SAE1: variants seen among roughly 807,000 people sequenced by gnomAD.
SAE1 encodes SUMO-activating enzyme subunit 1.
Under a neutral mutation model 40.6 loss-of-function variants are expected in SAE1, and 11 were observed. The ratio of observed to expected loss-of-function variants is 0.27; its 90% confidence interval spans 0.17 to 0.45. The LOEUF is 0.45. Ranked by LOEUF, SAE1 falls within the 20% of genes least tolerant of loss-of-function variation. The probability of loss-of-function intolerance (pLI) is 1.00; values close to 1 mark genes in which losing one functional copy is unlikely to be tolerated. For missense variants in SAE1, 373 were observed against 427.3 expected, an observed-to-expected ratio of 0.87 and a Z score of 1.12; for synonymous variants, 155 against 154.3, an observed-to-expected ratio of 1.00 and a Z score of -0.03.
At chr19:47,138,733 A>C (rs773066346) in intron 1 of SAE1, among the ~76,000 whole-genome samples, 12 of 152,166 alleles carry the variant, frequency 7.9e-5, no homozygotes, top group Non-Finnish European at 1.6e-4. Flanking sequence ...CTGTGATCCC[A>C]GCTACTGGGG....
At chr19:47,181,780 CTTT>C (rs36107839) in intron 6 of SAE1, among the ~76,000 whole-genome samples, 8 of 96,520 alleles carry the variant, frequency 8.3e-5, no homozygotes, top group South Asian at 3.5e-4. Flanking sequence ...CACCTGGCCT[CTTT>C]TTTTTTTTTT....
intron 1 of SAE1, among the ~76,000 whole-genome samples, chr19:47,136,326 G>C (rs2058179738): frequency 6.6e-6 from 1 of 151,040 alleles, no homozygotes; most frequent in Non-Finnish European, 1.5e-5. Context: ...TTTTAGTAGA[G>C]ATGGGGTTGC....
chr19:47,180,374 G>A (rs1414562178), intron 6 of SAE1: 4 of 394,804 alleles, frequency 1.0e-5, no homozygotes, highest in Non-Finnish European at 1.5e-5. Context: ...CATGTCAAAA[G>A]AACAAGAAGA....
chr19:47,200,526 T>G (rs2058647062), intron 7 of SAE1, among the ~76,000 whole-genome samples: 1 of 150,990 alleles, frequency 6.6e-6, no homozygotes, highest in Admixed American at 6.7e-5. Flanking sequence ...CTGAGTTAAA[T>G]GATAATTAAT....
chr19:47,207,282 GCTGA>G (rs953474425), intron 8 of SAE1, among the ~76,000 whole-genome samples: 11 of 152,250 alleles, frequency 7.2e-5, no homozygotes, highest in Admixed American at 1.3e-4. Flanking sequence ...TGGAAAAATG[GCTGA>G]CTAACACTAT....
At chr19:47,133,682 A>G (rs553372650) in intron 1 of SAE1, among the ~76,000 whole-genome samples, 3 of 152,146 alleles carry the variant, frequency 2.0e-5, no homozygotes, top group South Asian at 2.1e-4. Flanking sequence ...TTCTGGATAT[A>G]TTTTGAAGGT....
chr19:47,145,159 T>C (rs1224928206), intron 2 of SAE1, among the ~76,000 whole-genome samples: 1 of 152,002 alleles, frequency 6.6e-6, no homozygotes, highest in Non-Finnish European at 1.5e-5. Context: ...TGCAACACCA[T>C]GCCTGGCTAA....
intron 2 of SAE1, among the ~76,000 whole-genome samples, chr19:47,149,963 T>C (rs1475324010): frequency 6.6e-6 from 1 of 150,474 alleles, no homozygotes; most frequent in Non-Finnish European, 1.5e-5. Flanking sequence ...TAGTCCCAGC[T>C]ACTTGGGAGG....
At chr19:47,154,743 G>A (rs890868943) in intron 4 of SAE1, among the ~76,000 whole-genome samples, 13 of 151,970 alleles carry the variant, frequency 8.6e-5, no homozygotes, top group Non-Finnish European at 1.5e-4. Flanking sequence ...TGACACGCCC[G>A]CCTTGGCCTC....
chr19:47,138,542 A>G (rs1209499383), intron 1 of SAE1, among the ~76,000 whole-genome samples: 1 of 152,226 alleles, frequency 6.6e-6, no homozygotes, highest in Non-Finnish European at 1.5e-5. Flanking sequence ...AATTCTGCTG[A>G]TGGACACAGG....
At position 47,203,691 on chromosome 19, in the gene SAE1, C is replaced by T. The variant is rs1213409247; in HGVS notation, c.899C>T (p.Ala300Val). 1.2e-6 allele frequency: 2 copies of T among 1,613,956 alleles called. No homozygotes were observed. Among genetic ancestry groups the T allele is most frequent in the South Asian group, 2.2e-5 (2 of 91,052 alleles). Residue 300 changes from alanine to valine, a missense_variant, in exon 8 of 9, where the codon GCC becomes GTC. Ala to Val is a moderately conservative substitution (Grantham distance 64, BLOSUM62 0). Transcript: ENST00000270225. ...DFVRYCFSEM[A>V]PVCAVVGGIL... Reference sequence around the variant, plus strand: ...TTTAGGTACTGCTTCTCCGAGATGGCCCCAGTGTGTGCGGTGGTTGGAGGG... The same window carrying T: ...TTTAGGTACTGCTTCTCCGAGATGGTCCCAGTGTGTGCGGTGGTTGGAGGG...
intron 1 of SAE1, among the ~76,000 whole-genome samples, chr19:47,131,843 G>C (rs2058145792): frequency 6.6e-6 from 1 of 151,504 alleles, no homozygotes; most frequent in Non-Finnish European, 1.5e-5. Flanking sequence ...TGGGATTATA[G>C]GGGCCCGCCA....
chr19:47,140,577 A>G (rs2058214963), intron 1 of SAE1, among the ~76,000 whole-genome samples: 1 of 149,844 alleles, frequency 6.7e-6, no homozygotes, highest in South Asian at 2.1e-4. Context: ...GCTTGAGCCC[A>G]GGAGCTGGAG....
intron 1 of SAE1, among the ~76,000 whole-genome samples, chr19:47,136,037 C>G (rs796389521): frequency 6.6e-6 from 1 of 151,456 alleles, no homozygotes; most frequent in South Asian, 2.1e-4. Flanking sequence ...CTCCTGACCT[C>G]GTGTACCACA....
intron 3 of SAE1, 139 bp downstream of exon 3, chr19:47,150,514 G>C: frequency 1.5e-6 from 1 of 681,378 alleles, no homozygotes; most frequent in Admixed American, 3.1e-5. Context: ...TGTATAAGCT[G>C]TTCTATTGTT....
intron 6 of SAE1, among the ~76,000 whole-genome samples, chr19:47,180,809 T>C (rs1437577267): frequency 6.6e-6 from 1 of 152,044 alleles, no homozygotes; most frequent in East Asian, 1.9e-4. Flanking sequence ...GGAGCAAGAC[T>C]TTGTCTCCCC....
At position 47,203,608 on chromosome 19, in the gene SAE1, C is replaced by G; in HGVS notation, c.879-63C>G. Reference sequence around the variant, plus strand: ...CAGGAGAGCCTACTACTGAATTTCTCCAGATGTCATGGTCACAGTTCTGTT... The same window carrying G: ...CAGGAGAGCCTACTACTGAATTTCTGCAGATGTCATGGTCACAGTTCTGTT... On this transcript the variant is annotated intron_variant, in intron 7 of 8. Coordinates refer to ENST00000270225, the MANE Select transcript of SAE1 (RefSeq NM_005500.3). 2.7e-6 allele frequency: 4 copies of G among 1,476,948 alleles called. No homozygotes were observed. The South Asian group carries it at 3.4e-5, about 13-fold the overall frequency. The allele number at this position is 1,476,948 out of a possible 1,614,324, so 91.5% of individuals were successfully genotyped here. A position where few individuals can be genotyped will look rare whatever the true frequency, so the allele number is the denominator to read the frequency against.
chr19:47,180,932 T>A (rs1240761930), intron 6 of SAE1, among the ~76,000 whole-genome samples: 1 of 152,186 alleles, frequency 6.6e-6, no homozygotes, highest in Non-Finnish European at 1.5e-5. Context: ...CAGTTAGACC[T>A]CATGCCTCTT....
rs7246226 is a variant in SAE1 at position 47,138,852 on chromosome 19, C to A, written c.99-4642C>A. On this transcript the variant is annotated intron_variant, in intron 1 of 8. Coordinates refer to ENST00000270225, the MANE Select transcript of SAE1 (RefSeq NM_005500.3). The stretch of plus-strand genomic sequence containing the variant: ...TGGGCAACACAGACCCCATCTTAAT[C>A]AAAACAAAAACAAGTAGCATAATTC... Among the ~76,000 whole-genome samples the A allele has an allele frequency of 4.3e-3, 656 of 152,140 alleles. 2 individuals carry two copies. The highest frequency in any genetic ancestry group is 4.1e-3 in the Non-Finnish European group (281 of 67,966).
Sources: allele counts gnomAD v4.1 joint callset (sites outside exome capture counted in the v4.1 genomes callset), GRCh38; gene constraint gnomAD v4.1.1; transcripts MANE v1.5; gene names NCBI Gene and HGNC (gene_info 2026-07-23, HGNC 2026-07-21).